Variants in IMPG1 observed in about 807,000 individuals in gnomAD.
IMPG1 encodes interphotoreceptor matrix proteoglycan of 150 kDa.
Under a neutral mutation model 92.0 loss-of-function variants are expected in IMPG1, and 85 were observed. The ratio of observed to expected loss-of-function variants is 0.92; its 90% CI spans 0.78 to 1.11. IMPG1 has a LOEUF of 1.11. IMPG1 is among the 50% of genes least tolerant of loss of function. IMPG1 has a pLI of 0.00. For synonymous variants in IMPG1, 367 were observed against 334.1 expected (o/e 1.10, Z -1.08); for missense variants, 1,022 against 956.0 (o/e 1.07, Z -0.91).
At chr6:76,017,645 T>C (rs938209903) in intron 7 of IMPG1, among the ~76,000 whole-genome samples, 10 of 152,236 alleles carry the variant, frequency 6.6e-5, no homozygotes, top group Non-Finnish European at 1.3e-4. Flanking sequence ...TATATACCAG[T>C]GAAACCATCA....
intron 12 of IMPG1, among the ~76,000 whole-genome samples, chr6:75,982,413 T>C (rs1358566481): frequency 1.3e-5 from 2 of 151,900 alleles, no homozygotes; most frequent in African/African-American, 2.4e-5. Flanking sequence ...TGGTGGCACA[T>C]GTCTGTAATC....
At chr6:75,952,394 G>C (rs1447076836) in intron 12 of IMPG1, among the ~76,000 whole-genome samples, 2 of 152,092 alleles carry the variant, frequency 1.3e-5, no homozygotes, top group African/African-American at 4.8e-5. Flanking sequence ...GAAACTCCAA[G>C]TGATAAACAG....
At position 76,002,956 on chromosome 6, in the gene IMPG1, T is replaced by G. The variant is rs1206773962; in HGVS notation, c.1253A>C (p.Gln418Pro). The change falls in exon 12 of 17, where the codon CAG becomes CCG. Residue 418 changes from glutamine to proline, a missense_variant. Gln to Pro is a moderately conservative substitution (Grantham distance 76, BLOSUM62 -1). Coordinates refer to ENST00000369950, the MANE Select transcript of IMPG1 (RefSeq NM_001563.4). ...CTCTGCTCCGTCCACTGTCTCAAGC[T>G]GGGGTTCAACAGGAGGAAGTTCTGG... ...LSPELPPVEP[Q>P]LETVDGAEHG... 1 of 1,613,798 alleles carries G rather than the reference T, an allele frequency of 6.2e-7. No homozygotes were observed. The highest frequency in any genetic ancestry group is 8.5e-7 in the Non-Finnish European group (1 of 1,179,786).
At chr6:75,974,339 C>CTTTCTTTT (rs1782476196) in intron 12 of IMPG1, among the ~76,000 whole-genome samples, 1 of 61,104 alleles carries the variant, frequency 1.6e-5, no homozygotes, top group Non-Finnish European at 3.1e-5. Context: ...CCCTTTCTTT[C>CTTTCTTTT]TTTCTTTCTT....
chr6:75,938,472 A>G (rs1470760491), intron 14 of IMPG1, among the ~76,000 whole-genome samples: 1 of 152,232 alleles, frequency 6.6e-6, no homozygotes, highest in African/African-American at 2.4e-5. Context: ...TAAATAAATT[A>G]TCTGGGCATT....
chr6:76,006,572 T>G (rs1783103988), intron 9 of IMPG1, among the ~76,000 whole-genome samples: 1 of 150,862 alleles, frequency 6.6e-6, no homozygotes, highest in African/African-American at 2.4e-5. Flanking sequence ...ACATATGTGT[T>G]GTAACCAAGT....
intron 1 of IMPG1, among the ~76,000 whole-genome samples, chr6:76,065,087 A>G (rs1174085449): frequency 6.6e-6 from 1 of 152,052 alleles, no homozygotes; most frequent in Non-Finnish European, 1.5e-5. Context: ...CTGAAGGGGA[A>G]AAAATCCTGT....
intron 15 of IMPG1, among the ~76,000 whole-genome samples, chr6:75,924,657 A>G (rs372103400): frequency 1.6e-3 from 11 of 6,682 alleles, no homozygotes; most frequent in East Asian, 3.6e-3. Flanking sequence ...AATTATATAT[A>G]ATATATAATA....
intron 1 of IMPG1, among the ~76,000 whole-genome samples, chr6:76,050,612 T>A (rs1031063728): frequency 6.6e-6 from 1 of 152,204 alleles, no homozygotes. Context: ...GTCATATCAC[T>A]GAAGAGCTTA....
intron 1 of IMPG1, among the ~76,000 whole-genome samples, chr6:76,043,042 T>A (rs1214212256): frequency 6.6e-6 from 1 of 152,144 alleles, no homozygotes; most frequent in Non-Finnish European, 1.5e-5. Context: ...TAGTAAGATC[T>A]AAGTTACATA....
At chr6:75,974,001 G>A (rs1242263188) in intron 12 of IMPG1, among the ~76,000 whole-genome samples, 1 of 152,188 alleles carries the variant, frequency 6.6e-6, no homozygotes. Context: ...GTATTTTGAA[G>A]AACCACAAGC....
chr6:76,072,563 T>A lies in IMPG1; in HGVS notation c.-75A>T. On this transcript the variant is annotated 5_prime_UTR_variant, in exon 1 of 17. Coordinates refer to ENST00000369950, the MANE Select transcript of IMPG1 (RefSeq NM_001563.4). The stretch of plus-strand genomic sequence containing the variant: ...AAATCTCATTAAAAAGTAACAGAAA[T>A]GTGAAAAATAATTATATATTGATAC... 1 of 873,778 alleles carries A rather than the reference T, an allele frequency of 1.1e-6. No homozygotes were observed. The allele number at this position is 873,778 out of a possible 1,614,324, so 54.1% of individuals were successfully genotyped here.
chr6:75,998,911 T>TA (rs1782941875), intron 12 of IMPG1, among the ~76,000 whole-genome samples: 1 of 152,116 alleles, frequency 6.6e-6, no homozygotes, highest in African/African-American at 2.4e-5. Flanking sequence ...GACTGGAGTG[T>TA]AGTGGAGCGA....
chr6:76,072,176 A>G (rs1267164890), intron 1 of IMPG1, among the ~76,000 whole-genome samples: 1 of 152,108 alleles, frequency 6.6e-6, no homozygotes, highest in Non-Finnish European at 1.5e-5. Flanking sequence ...TAGAACAGCA[A>G]ATAGGATGCA....
In IMPG1 at chr6:75,982,471, C is replaced by T. The variant is rs989423999; in HGVS notation, c.1291+20447G>A. On this transcript the variant is annotated intron_variant, in intron 12 of 16. Transcript: ENST00000369950. ...TAGGAGAATTGCTTGACCCGGGAGG[C>T]GGAGGTTGCAGTGAGCTGAGATCGT... is the stretch of plus-strand genomic sequence containing the variant. Among the ~76,000 whole-genome samples, 51 of 151,292 alleles carry T rather than the reference C, an allele frequency of 3.4e-4. 1 individual carries two copies. Among genetic ancestry groups the T allele is most frequent in the African/African-American group, 1.1e-3 (45 of 41,200 alleles).
At chr6:76,008,889 C>T (rs1193801439) in intron 8 of IMPG1, among the ~76,000 whole-genome samples, 1 of 152,148 alleles carries the variant, frequency 6.6e-6, no homozygotes, top group African/African-American at 2.4e-5. Flanking sequence ...CCCTATGTGC[C>T]TCACCTTCCT....
At chr6:75,967,777 T>C (rs1030213832) in intron 12 of IMPG1, among the ~76,000 whole-genome samples, 1 of 152,126 alleles carries the variant, frequency 6.6e-6, no homozygotes, top group African/African-American at 2.4e-5. Flanking sequence ...TTGCAGCTGA[T>C]CACATAGCTG....
chr6:75,976,739 G>A (rs1435367728), intron 12 of IMPG1, among the ~76,000 whole-genome samples: 1 of 151,680 alleles, frequency 6.6e-6, no homozygotes, highest in East Asian at 1.9e-4. Context: ...GTGAAACCTC[G>A]TCTCTACTAA....
rs369121087 is a variant in IMPG1, at chr6:76,044,471, C to T, written c.68-2345G>A. On this transcript the variant is annotated intron_variant, in intron 1 of 16. Coordinates refer to ENST00000369950, the MANE Select transcript of IMPG1 (RefSeq NM_001563.4). The stretch of plus-strand genomic sequence containing the variant: ...CCTGTAATGTGTGGGGTCCTGCTAT[C>T]GGCCTGGTCCTGTTCCGTACCTTGT... Among the ~76,000 whole-genome samples the T allele has an allele frequency of 1.2e-4, 19 of 152,182 alleles. No homozygotes were observed. The East Asian group carries it at 2.7e-3, about 22-fold the overall frequency.
Sources: allele counts gnomAD v4.1 joint callset (sites outside exome capture counted in the v4.1 genomes callset), GRCh38; gene constraint gnomAD v4.1.1; transcripts MANE v1.5; gene names NCBI Gene and HGNC (gene_info 2026-07-23, HGNC 2026-07-21).